The following UNC13B variants were observed in gnomAD, a reference collection of about 807,000 sequenced individuals.
The protein encoded by UNC13B is unc-13 homolog B.
In UNC13B, 144 loss-of-function variants were observed where a neutral mutation model predicts 211.0. The ratio of observed to expected loss-of-function variants is 0.68; its 90% CI spans 0.60 to 0.78. UNC13B has a LOEUF of 0.78. UNC13B is among the 30% of genes least tolerant of loss of function. The pLI is 0.00. For missense variants in UNC13B, 1,777 were observed against 2,002.0 expected (o/e 0.89, Z 2.14); for synonymous variants, 709 against 725.8 (o/e 0.98, Z 0.37).
At chr9:35,172,263 T>C (rs1180587150) in intron 1 of UNC13B, among the ~76,000 whole-genome samples, 1 of 152,140 alleles carries the variant, frequency 6.6e-6, no homozygotes. Context: ...TATAATGTGT[T>C]AATGATCAAT....
chr9:35,352,985 G>A (rs1307515147), intron 11 of UNC13B: 5 of 1,232,164 alleles, frequency 4.1e-6, no homozygotes, highest in African/African-American at 1.5e-5. Context: ...GAGAATAAAC[G>A]CAGAGGACAA....
intron 1 of UNC13B, among the ~76,000 whole-genome samples, chr9:35,180,962 C>T (rs1171746207): frequency 6.6e-6 from 1 of 150,754 alleles, no homozygotes; most frequent in African/African-American, 2.4e-5. Flanking sequence ...TCTGTTTCAG[C>T]AGGTACCTGT....
intron 11 of UNC13B, among the ~76,000 whole-genome samples, chr9:35,323,740 A>G (rs1307282485): frequency 6.6e-6 from 1 of 152,080 alleles, no homozygotes; most frequent in Non-Finnish European, 1.5e-5. Flanking sequence ...TATATGCCCC[A>G]TGCATTACTG....
At chr9:35,370,442 TC>T in intron 13 of UNC13B, 46 bp downstream of exon 13, 1 of 1,579,890 alleles carries the variant, frequency 6.3e-7, no homozygotes. Flanking sequence ...CCTTGGGGTA[TC>T]CCCCATTGGG....
At chr9:35,351,678 C>T in intron 11 of UNC13B, 2 of 1,232,284 alleles carry the variant, frequency 1.6e-6, no homozygotes, top group African/African-American at 1.5e-5. Context: ...GAGGACAACT[C>T]CCTGCCCCCT....
At chr9:35,192,517 G>C (rs1478739654) in intron 1 of UNC13B, among the ~76,000 whole-genome samples, 2 of 152,172 alleles carry the variant, frequency 1.3e-5, no homozygotes, top group African/African-American at 4.8e-5. Flanking sequence ...ACCTATCAGG[G>C]TCATTGGAGA....
At chr9:35,265,708 C>T (rs1055977866) in intron 7 of UNC13B, among the ~76,000 whole-genome samples, 6 of 151,960 alleles carry the variant, frequency 3.9e-5, no homozygotes, top group Non-Finnish European at 5.9e-5. Flanking sequence ...GAGGCTGCAG[C>T]GGGAGGATGG....
Position 35,162,038 on chromosome 9 carries a change from G to T in UNC13B, c.-246G>T, listed in dbSNP as rs1820803648. On this transcript the variant is annotated 5_prime_UTR_variant, in exon 1 of 40. An upstream start codon of the reference 5' UTR is lost. Transcript: ENST00000635942. ...CCGGCAGCTCCTACCTCCCAGCGAT[G>T]GCGTCGCTGTGCCGCGCCCAGTCCC... 3.6e-6 allele frequency: 2 copies of T among 553,298 alleles called. No individual in the cohort carries two copies. Among genetic ancestry groups the T allele is most frequent in the Non-Finnish European group, 6.3e-6 (2 of 319,092 alleles). 34.3% of individuals were successfully genotyped at this position (553,298 alleles called of 1,614,324 possible). A position where few individuals can be genotyped will look rare whatever the true frequency, so the allele number is the denominator to read the frequency against.
chr9:35,270,387 C>CAT (rs1225773804), intron 7 of UNC13B, among the ~76,000 whole-genome samples: 1 of 151,468 alleles, frequency 6.6e-6, no homozygotes, highest in African/African-American at 2.4e-5. Context: ...GTATTATGCA[C>CAT]ATATATATAC....
chr9:35,237,783 T>A lies in UNC13B; in HGVS notation c.351T>A (p.Thr117=). ...AGATCTGTGGAACTAGAAACCCAAC[T>A]CCTCATAAAATTTTGCTTGATACAA... ...DDEICGTRNP[T]PHKILLDTRF... Residue 117 remains threonine (T), a synonymous_variant, in exon 5 of 40, where the codon ACT becomes ACA. Coordinates refer to ENST00000635942, the MANE Select transcript of UNC13B (RefSeq NM_001371189.2). The A allele has an allele frequency of 6.2e-7, 1 of 1,613,952 alleles. No individual in the cohort carries two copies. Among genetic ancestry groups the A allele is most frequent in the Non-Finnish European group, 8.5e-7 (1 of 1,179,970 alleles).
At chr9:35,370,136 G>T (rs188646466) in intron 12 of UNC13B, among the ~76,000 whole-genome samples, 182 bp from the exon 13 acceptor site, 2 of 152,296 alleles carry the variant, frequency 1.3e-5, no homozygotes, top group Non-Finnish European at 2.9e-5. Context: ...AGATTCTATT[G>T]CTCACTCTTC....
intron 3 of UNC13B, among the ~76,000 whole-genome samples, chr9:35,236,135 T>A (rs1013732014): frequency 6.6e-6 from 1 of 151,984 alleles, no homozygotes; most frequent in African/African-American, 2.4e-5. Flanking sequence ...TTGTGTCTCC[T>A]TTTTTTTGTT....
At chr9:35,244,536 G>A (rs1825978891) in intron 6 of UNC13B, among the ~76,000 whole-genome samples, 1 of 152,146 alleles carries the variant, frequency 6.6e-6, no homozygotes, top group Non-Finnish European at 1.5e-5. Context: ...CTCTGAAGGA[G>A]GAAGCATCCT....
At chr9:35,170,540 C>G (rs927652092) in intron 1 of UNC13B, among the ~76,000 whole-genome samples, 4 of 152,116 alleles carry the variant, frequency 2.6e-5, no homozygotes, top group African/African-American at 9.7e-5. Flanking sequence ...GCGAACATGG[C>G]TCTCTGCAGC....
intron 13 of UNC13B, 29 bp downstream of exon 13, chr9:35,370,425 G>C (rs747012577): frequency 6.2e-7 from 1 of 1,609,482 alleles, no homozygotes; most frequent in South Asian, 1.1e-5. Context: ...GCAGGCATAG[G>C]CAGTAGCCTT....
intron 1 of UNC13B, among the ~76,000 whole-genome samples, chr9:35,195,281 A>G (rs1346191446): frequency 2.6e-5 from 4 of 152,092 alleles, no homozygotes; most frequent in Non-Finnish European, 5.9e-5. Flanking sequence ...TATTAAAAGG[A>G]AAACCTTACC....
intron 6 of UNC13B, among the ~76,000 whole-genome samples, chr9:35,247,530 C>T (rs1214203575): frequency 6.6e-6 from 1 of 152,122 alleles, no homozygotes; most frequent in Admixed American, 6.5e-5. Context: ...TACGTCCCAT[C>T]AGTACCTAAT....
intron 1 of UNC13B, among the ~76,000 whole-genome samples, chr9:35,203,456 C>T (rs939369745): frequency 2.6e-5 from 4 of 152,222 alleles, no homozygotes; most frequent in Non-Finnish European, 4.4e-5. Flanking sequence ...GTTGAAAATT[C>T]TTTTCTTTAC....
In UNC13B at chr9:35,297,698, C is replaced by T. The variant is rs577018932; in HGVS notation, c.761+1768C>T. 9.2e-4 allele frequency among the ~76,000 whole-genome samples: 139 copies of T among 150,910 alleles called. 2 individuals are homozygous for T. The highest frequency in any genetic ancestry group is 5.3e-3 in the Admixed American group (80 of 15,180). On this transcript the variant is annotated intron_variant, in intron 8 of 39. Transcript: ENST00000635942. ...CCGAGTAGCTGGGATTACAGGCACC[C>T]GCCACCGTGCCCGGCTAATTTTTTG... is the stretch of plus-strand genomic sequence containing the variant.
Sources: gnomAD v4.1 joint callset for allele counts (sites outside exome capture counted in the v4.1 genomes callset) on GRCh38, gnomAD v4.1.1 for gene constraint, MANE v1.5 for transcripts, NCBI Gene and HGNC (gene_info 2026-07-23, HGNC 2026-07-21) for gene names.